The following LHPP variants were observed in gnomAD, a reference collection of about 807,000 sequenced individuals.
LHPP encodes phospholysine phosphohistidine inorganic pyrophosphate phosphatase, also known as hLHPP.
A neutral mutation model predicts 30.3 loss-of-function variants in LHPP; 24 were observed. The observed-to-expected ratio is 0.79, with a 90% CI of 0.57 to 1.11. The LOEUF is 1.11. LHPP is among the 50% of genes most tolerant of loss of function. LHPP has a pLI of 0.00. For missense variants in LHPP, 356 were observed against 367.2 expected, an observed-to-expected ratio of 0.97 and a Z score of 0.25; for synonymous variants, 150 against 157.1, an observed-to-expected ratio of 0.95 and a Z score of 0.34.
rs182271465 is a variant in LHPP at position 124,501,593 on chromosome 10, C to T, written c.624+3465C>T. 8.2e-4 allele frequency among the ~76,000 whole-genome samples: 116 copies of T among 140,964 alleles called. 2 individuals are homozygous for T. Among genetic ancestry groups the T allele is most frequent in the African/African-American group, 3.1e-3 (112 of 36,232 alleles). 92.5% of individuals were successfully genotyped at this position (140,964 alleles called of 152,430 possible). Reference sequence around the variant, plus strand: ...CTCCAGCCTGGGCGACAGAGCCAGACTCTGTCTTAAAAAAAAAAAAAAAAA... The same window carrying T: ...CTCCAGCCTGGGCGACAGAGCCAGATTCTGTCTTAAAAAAAAAAAAAAAAA... On this transcript the variant is annotated intron_variant, in intron 5 of 6. Transcript: ENST00000368842.
At chr10:124,536,945 C>T (rs571588759) in intron 6 of LHPP, among the ~76,000 whole-genome samples, 2 of 151,966 alleles carry the variant, frequency 1.3e-5, no homozygotes, top group South Asian at 2.1e-4. Flanking sequence ...CCAGGCTCCC[C>T]GACCTCTCCA....
rs112974954 is a variant in LHPP, at chr10:124,553,939, G to A, written c.716+36668G>A. The A allele has an allele frequency of 1.9e-5, 19 of 985,450 alleles. 1 individual carries two copies. The African/African-American group carries it at 3.0e-4, about 15-fold the overall frequency. 61.0% of individuals were successfully genotyped at this position (985,450 alleles called of 1,614,324 possible). A position where few individuals can be genotyped will look rare whatever the true frequency, so the allele number is the denominator to read the frequency against. On this transcript the variant is annotated intron_variant, in intron 6 of 6. Transcript: ENST00000368842. ...TTCTTTTCCTGCTCCAGGAGGGACA[G>A]AGCCCCCCTGTTGTCCTTGCGGCAC...
chr10:124,533,369 G>C (rs148920165), intron 6 of LHPP, among the ~76,000 whole-genome samples: 64 of 152,328 alleles, frequency 4.2e-4, no homozygotes, highest in Non-Finnish European at 7.1e-4. Flanking sequence ...AGGGGCGTGG[G>C]GGGTTGGATG....
At chr10:124,604,391 C>T (rs10901781) in intron 6 of LHPP, among the ~76,000 whole-genome samples, 27,584 of 152,180 alleles carry the variant, frequency 0.18, 2,837 homozygotes, top group East Asian at 0.27. Context: ...TGAGGGTGGC[C>T]GTGCTGGGCC....
chr10:124,560,174 T>C (rs2133969632), intron 6 of LHPP, among the ~76,000 whole-genome samples: 2 of 152,358 alleles, frequency 1.3e-5, no homozygotes, highest in Middle Eastern at 6.8e-3. Flanking sequence ...AGAGGACTCT[T>C]TCTTGGTTTT....
At chr10:124,476,184 T>C (rs1278442169) in intron 1 of LHPP, among the ~76,000 whole-genome samples, 1 of 152,128 alleles carries the variant, frequency 6.6e-6, no homozygotes, top group Non-Finnish European at 1.5e-5. Context: ...ACTGCCCAGC[T>C]GACCCAGACC....
intron 5 of LHPP, among the ~76,000 whole-genome samples, chr10:124,514,205 C>T (rs1954389344): frequency 6.6e-6 from 1 of 152,116 alleles, no homozygotes; most frequent in Admixed American, 6.5e-5. Flanking sequence ...GTGGTGGTCA[C>T]CAGAGCTGAG....
chr10:124,558,325 G>T (rs1273740618), intron 6 of LHPP, among the ~76,000 whole-genome samples: 3 of 152,188 alleles, frequency 2.0e-5, no homozygotes, highest in Admixed American at 2.0e-4. Context: ...ACTCCCAGTG[G>T]GCCCCACGAG....
intron 2 of LHPP, among the ~76,000 whole-genome samples, chr10:124,488,003 G>A (rs1481770949): frequency 6.6e-6 from 1 of 152,104 alleles, no homozygotes; most frequent in African/African-American, 2.4e-5. Context: ...ATGTGTCAAC[G>A]GTTCTTACAG....
chr10:124,520,109 A>T (rs532166923), intron 6 of LHPP, among the ~76,000 whole-genome samples: 8 of 152,150 alleles, frequency 5.3e-5, no homozygotes, highest in African/African-American at 1.4e-4. Flanking sequence ...CTAGGATTAC[A>T]GGTGTGAGCC....
At chr10:124,598,371 T>C (rs2134008502) in intron 6 of LHPP, among the ~76,000 whole-genome samples, 1 of 152,300 alleles carries the variant, frequency 6.6e-6, no homozygotes, top group Non-Finnish European at 1.5e-5. Flanking sequence ...CTCTGCAGGG[T>C]CTGGGAGTCA....
intron 6 of LHPP, among the ~76,000 whole-genome samples, chr10:124,548,761 T>C (rs1955412153): frequency 6.6e-6 from 1 of 152,174 alleles, no homozygotes; most frequent in South Asian, 2.1e-4. Context: ...GAGGGACAGG[T>C]TGGCTGATCT....
At chr10:124,506,603 T>C (rs1032480162) in intron 5 of LHPP, among the ~76,000 whole-genome samples, 4 of 147,854 alleles carry the variant, frequency 2.7e-5, no homozygotes, top group Non-Finnish European at 5.9e-5. Flanking sequence ...ATAGCCCAAC[T>C]CTCAGGGAGG....
intron 6 of LHPP, among the ~76,000 whole-genome samples, chr10:124,538,297 C>T (rs1433165340): frequency 6.6e-6 from 1 of 152,220 alleles, no homozygotes; most frequent in African/African-American, 2.4e-5. Flanking sequence ...GTAAGCCTCC[C>T]TGGGCCTGAG....
Position 124,523,527 on chromosome 10 carries a change from A to T in LHPP, c.716+6256A>T, listed in dbSNP as rs1954661172. Among the ~76,000 whole-genome samples, 1 of 152,270 alleles carries T rather than the reference A, an allele frequency of 6.6e-6. No individual in the cohort carries two copies. Among genetic ancestry groups the T allele is most frequent in the Non-Finnish European group, 1.5e-5 (1 of 68,054 alleles). ...TTTCAGAGTGTTTCCTGTTACGAGA[A>T]GGCTGTGGATTCGCTTTGGAACATG... On this transcript the variant is annotated intron_variant, in intron 6 of 6. Transcript: ENST00000368842. This position sits in a 1 kb window ranked among gnomAD's most constrained non-coding sequence, Gnocchi z 4.2.
rs1453812463 is a variant in LHPP, at chr10:124,523,259, T to C, written c.716+5988T>C. On this transcript the variant is annotated intron_variant, in intron 6 of 6. Transcript: ENST00000368842. The surrounding 1 kb of genome is among the most constrained non-coding windows in gnomAD (Gnocchi z 4.2). The stretch of plus-strand genomic sequence containing the variant: ...TCCTGGACCGTGATTCCCGACATCC[T>C]GCAAGGTCCCTTCTAGCTGTGGCCT... 6.6e-6 allele frequency among the ~76,000 whole-genome samples: 1 copy of C among 152,244 alleles called. No individual in the cohort carries two copies. The highest frequency in any genetic ancestry group is 1.5e-5 in the Non-Finnish European group (1 of 68,038).
At position 124,613,808 on chromosome 10, in the gene LHPP, G is replaced by A. The variant is rs1490996621; in HGVS notation, c.*448G>A. ...TCTTTGCATTTCAGTGAAGAGCCTG[G>A]AAGAAACCCAGGGGCCTCCTATGCA... On this transcript the variant is annotated 3_prime_UTR_variant, in exon 7 of 7. Transcript: ENST00000368842. 1.0e-5 allele frequency: 2 copies of A among 197,112 alleles called. No homozygotes were observed. Among genetic ancestry groups the A allele is most frequent in the East Asian group, 1.3e-4 (1 of 7,418 alleles). 12.2% of individuals were successfully genotyped at this position (197,112 alleles called of 1,614,324 possible). A position where few individuals can be genotyped will look rare whatever the true frequency, so the allele number is the denominator to read the frequency against.
At chr10:124,529,812 C>T (rs967973831) in intron 6 of LHPP, among the ~76,000 whole-genome samples, 2 of 124,364 alleles carry the variant, frequency 1.6e-5, no homozygotes, top group Non-Finnish European at 3.7e-5. Context: ...CACACACACA[C>T]GCACACACAC....
intron 6 of LHPP, among the ~76,000 whole-genome samples, chr10:124,600,467 T>C (rs909811430): frequency 1.4e-4 from 21 of 152,234 alleles, no homozygotes; most frequent in African/African-American, 2.7e-4. Context: ...GTGGCCAGCA[T>C]GCCCACACCT....
Sources: gnomAD v4.1 joint callset for allele counts (sites outside exome capture counted in the v4.1 genomes callset) on GRCh38, gnomAD v4.1.1 for gene constraint, Gnocchi (gnomAD v3.1) non-coding constraint, MANE v1.5 for transcripts, NCBI Gene and HGNC (gene_info 2026-07-23, HGNC 2026-07-21) for gene names.